The following RFC1 variants were observed in gnomAD, a reference collection of about 807,000 sequenced individuals.
RFC1 encodes the protein A1 140 kDa subunit.
RFC1 carries 37 observed loss-of-function variants against 137.4 expected under a neutral mutation model. The observed-to-expected ratio is 0.27, with a 90% CI of 0.21 to 0.35. The LOEUF is 0.35. RFC1 is among the 10% of genes least tolerant of loss of function. The pLI is 1.00. For synonymous variants in RFC1, 429 were observed against 455.7 expected, an observed-to-expected ratio of 0.94 and a Z score of 0.75; for missense variants, 1,205 against 1,358.5, an observed-to-expected ratio of 0.89 and a Z score of 1.78.
intron 9 of RFC1, among the ~76,000 whole-genome samples, chr4:39,317,377 G>A (rs1029641309): frequency 3.9e-5 from 6 of 152,136 alleles, no homozygotes; most frequent in South Asian, 2.1e-4. Context: ...CATGTTTAAC[G>A]GGAAAATACA....
chr4:39,340,437 G>T (rs182440723), intron 4 of RFC1, among the ~76,000 whole-genome samples: 149 of 152,138 alleles, frequency 9.8e-4, no homozygotes, highest in African/African-American at 3.4e-3. Context: ...ATGGAATGAG[G>T]TATTGCCCAA....
At chr4:39,364,962 TTCCAAAATACCACAGTGCTTTGGCC>T (rs1741947503) in intron 1 of RFC1, among the ~76,000 whole-genome samples, 1 of 152,000 alleles carries the variant, frequency 6.6e-6, no homozygotes, top group Non-Finnish European at 1.5e-5. Context: ...AGTCTCAAGC[TTCCAAAATACCACAGTGCTTTGGCC>T]TCCAAAATGT....
chr4:39,321,178 T>C (rs1412013244), intron 8 of RFC1, 109 bp downstream of exon 8: 1 of 841,802 alleles, frequency 1.2e-6, no homozygotes, highest in Non-Finnish European at 1.9e-6. Context: ...TGTGAAATAA[T>C]GTCTACCTAA....
chr4:39,347,711 G>GAA (rs1277159471), intron 2 of RFC1, among the ~76,000 whole-genome samples: 1 of 152,146 alleles, frequency 6.6e-6, no homozygotes, highest in Non-Finnish European at 1.5e-5. Flanking sequence ...GAGAGCTGAT[G>GAA]AAGAGAAGAG....
At chr4:39,309,482 T>C (rs1738858329) in intron 12 of RFC1, among the ~76,000 whole-genome samples, 1 of 152,214 alleles carries the variant, frequency 6.6e-6, no homozygotes, top group African/African-American at 2.4e-5. Flanking sequence ...AATGAAATAT[T>C]ATTTACCCCT....
Position 39,312,814 on chromosome 4 carries a change from C to T in RFC1, c.1321G>A (p.Val441Ile), listed in dbSNP as rs1739025362. The stretch of plus-strand genomic sequence containing the variant: ...ACAAGATAATTTGTTTTCTTGCTGA[C>T]ATTTCCTGTTACTTTTCCCCCATAA... ...ERYGGKVTGN[V>I]SKKTNYLVMG... The change falls in exon 11 of 25, where the codon GTC (valine) becomes ATC (isoleucine). Residue 441 changes from valine to isoleucine, a missense_variant. Transcript: ENST00000349703. The T allele has an allele frequency of 1.2e-6, 2 of 1,614,018 alleles. No homozygotes were observed. Among genetic ancestry groups the T allele is most frequent in the Admixed American group, 1.7e-5 (1 of 60,002 alleles).
At chr4:39,337,737 T>C (rs1170290698) in intron 4 of RFC1, among the ~76,000 whole-genome samples, 3 of 152,142 alleles carry the variant, frequency 2.0e-5, no homozygotes, top group Non-Finnish European at 2.9e-5. Flanking sequence ...TCTCTAAAAG[T>C]TAGCAAAGAG....
At chr4:39,361,034 C>T (rs1741730842) in intron 1 of RFC1, among the ~76,000 whole-genome samples, 1 of 152,110 alleles carries the variant, frequency 6.6e-6, no homozygotes, top group African/African-American at 2.4e-5. Flanking sequence ...AATCATATAT[C>T]TGAATAAAAT....
intron 1 of RFC1, among the ~76,000 whole-genome samples, chr4:39,361,931 C>T (rs1422065294): frequency 6.6e-6 from 1 of 151,600 alleles, no homozygotes; most frequent in Admixed American, 6.6e-5. Flanking sequence ...CCCAGCTACT[C>T]GGGAGGCTGA....
In RFC1 at chr4:39,311,783, A is replaced by C. The variant is rs550011647; in HGVS notation, c.1384-234T>G. 1.4e-4 allele frequency among the ~76,000 whole-genome samples: 21 copies of C among 152,370 alleles called. 1 individual carries two copies. In the South Asian group the frequency reaches 4.3e-3, roughly 32 times the overall value. ...CTAAGAGTAGCAGGTTGGCATGGGA[A>C]GTGGTCCATTTCTACTTTTGTGGAC... On this transcript the variant is annotated intron_variant, in intron 11 of 24. Coordinates refer to ENST00000349703, the MANE Select transcript of RFC1 (RefSeq NM_002913.5).
At chr4:39,294,021 A>G (rs1244320732) in intron 22 of RFC1, among the ~76,000 whole-genome samples, 1 of 152,182 alleles carries the variant, frequency 6.6e-6, no homozygotes, top group African/African-American at 2.4e-5. Flanking sequence ...GACTCCCTTT[A>G]TGAAGACCCT....
chr4:39,359,531 A>T (rs532518861), intron 1 of RFC1, among the ~76,000 whole-genome samples: 1 of 152,338 alleles, frequency 6.6e-6, no homozygotes, highest in Non-Finnish European at 1.5e-5. Context: ...ATGCAAAGGC[A>T]TAAGAATAAT....
intron 3 of RFC1, among the ~76,000 whole-genome samples, chr4:39,343,740 C>T (rs1740716103): frequency 6.6e-6 from 1 of 152,200 alleles, no homozygotes. Flanking sequence ...CACTTAAGTA[C>T]TTTCAGAATT....
intron 23 of RFC1, among the ~76,000 whole-genome samples, chr4:39,290,618 C>T (rs945612123): frequency 6.6e-6 from 1 of 152,002 alleles, no homozygotes; most frequent in Non-Finnish European, 1.5e-5. Flanking sequence ...AGTTTGAGAC[C>T]AGCCTGGCCA....
rs1738967436 is a variant in RFC1, at chr4:39,311,667, A to C, written c.1384-118T>G. 6 of 621,198 alleles carry C rather than the reference A, an allele frequency of 9.7e-6. No homozygotes were observed. The Admixed American group carries it at 2.0e-4, about 21-fold the overall frequency. The allele number at this position is 621,198 out of a possible 1,614,324, so 38.5% of individuals were successfully genotyped here. ...GGTGAAAAACCACATTCGTAAATTA[A>C]GATAACACTGGAATTAAAAAAGAAA... is the stretch of plus-strand genomic sequence containing the variant. On this transcript the variant is annotated intron_variant, in intron 11 of 24. Transcript: ENST00000349703.
intron 4 of RFC1, among the ~76,000 whole-genome samples, chr4:39,340,197 C>T (rs1740545584): frequency 6.6e-6 from 1 of 151,988 alleles, no homozygotes; most frequent in African/African-American, 2.4e-5. Context: ...AAGAAAAATG[C>T]CAATAGAACC....
chr4:39,307,180 C>T lies in RFC1; in HGVS notation c.1886-479G>A, dbSNP rs17288440. On this transcript the variant is annotated intron_variant, in intron 13 of 24. Transcript: ENST00000349703. ...ATGGCTGAGCACAGAGCCATGCAAG[C>T]TTCACTAAATGTTAACAAGCATAGT... 1.4e-4 allele frequency among the ~76,000 whole-genome samples: 21 copies of T among 152,286 alleles called. No individual in the cohort carries two copies. The East Asian group carries it at 3.3e-3, about 24-fold the overall frequency.
At chr4:39,310,379 T>G (rs1427834580) in intron 12 of RFC1, among the ~76,000 whole-genome samples, 1 of 152,224 alleles carries the variant, frequency 6.6e-6, no homozygotes, top group African/African-American at 2.4e-5. Context: ...CAATACGGCA[T>G]CAATGTTAAT....
intron 4 of RFC1, among the ~76,000 whole-genome samples, chr4:39,329,253 G>A (rs1426142019): frequency 6.6e-6 from 1 of 151,306 alleles, no homozygotes; most frequent in Non-Finnish European, 1.5e-5. Flanking sequence ...TGTCATCCCA[G>A]TACTTTGGGA....
Sources: allele counts gnomAD v4.1 joint callset (sites outside exome capture counted in the v4.1 genomes callset), GRCh38; gene constraint gnomAD v4.1.1; transcripts MANE v1.5; gene names NCBI Gene and HGNC (gene_info 2026-07-23, HGNC 2026-07-21).